COL19A1: variants seen among roughly 807,000 people sequenced by gnomAD.
The protein encoded by COL19A1 is collagen type XIX alpha 1 chain.
Under a neutral mutation model 190.2 loss-of-function variants are expected in COL19A1, and 159 were observed. The ratio of observed to expected loss-of-function variants is 0.84; its 90% CI spans 0.73 to 0.95. The LOEUF is 0.95. Among genes scored for constraint, COL19A1 ranks in the 40% least tolerant of loss-of-function variants. COL19A1 has a pLI of 0.00. For synonymous variants in COL19A1, 509 were observed against 458.9 expected, an observed-to-expected ratio of 1.11 and a Z score of -1.39; for missense variants, 1,418 against 1,431.9, an observed-to-expected ratio of 0.99 and a Z score of 0.16.
chr6:70,155,466 G>A (rs781113445), intron 31 of COL19A1, among the ~76,000 whole-genome samples: 7 of 152,116 alleles, frequency 4.6e-5, no homozygotes, highest in Non-Finnish European at 8.8e-5. Flanking sequence ...TATGAGCTCA[G>A]ACACTTGAAG....
chr6:70,072,897 G>A (rs2150154991), intron 15 of COL19A1, among the ~76,000 whole-genome samples: 1 of 152,224 alleles, frequency 6.6e-6, no homozygotes, highest in East Asian at 1.9e-4. Context: ...ATCTTATGGT[G>A]CAAGCAACTT....
chr6:70,102,633 T>G lies in COL19A1; in HGVS notation c.1278+411T>G, dbSNP rs139815598. 3.3e-5 allele frequency among the ~76,000 whole-genome samples: 5 copies of G among 152,320 alleles called. No homozygotes were observed. In the East Asian group the frequency reaches 9.6e-4, roughly 29 times the overall value. The stretch of plus-strand genomic sequence containing the variant: ...ATATCCACTTTTCTTGATATGAAAC[T>G]ATTTTGTTAGTATAATTTCATGATT... On this transcript the variant is annotated intron_variant, in intron 16 of 50. Coordinates refer to ENST00000620364, the MANE Select transcript of COL19A1 (RefSeq NM_001858.6).
chr6:70,119,428 G>A (rs945966299), intron 16 of COL19A1, among the ~76,000 whole-genome samples: 2 of 152,190 alleles, frequency 1.3e-5, no homozygotes, highest in Non-Finnish European at 2.9e-5. Context: ...GAAGTGCTAC[G>A]TAGAAGTTTT....
intron 14 of COL19A1, among the ~76,000 whole-genome samples, chr6:70,049,077 A>G (rs77407349): frequency 6.6e-6 from 1 of 151,920 alleles, no homozygotes; most frequent in Non-Finnish European, 1.5e-5. Flanking sequence ...TTAACAGGCT[A>G]TTCAATTTAA....
In COL19A1 at chr6:69,924,008, A is replaced by G. The variant is rs1224167362; in HGVS notation, c.267-3901A>G. 2.0e-5 allele frequency among the ~76,000 whole-genome samples: 3 copies of G among 152,348 alleles called. No homozygotes were observed. In the East Asian group the frequency reaches 5.8e-4, roughly 29 times the overall value. On this transcript the variant is annotated intron_variant, in intron 4 of 50. Transcript: ENST00000620364. ...ACTAAGCAAATAAAAAGCAGCAACAATAAAGACAACAGACAGCACCAACGG... is the reference window on the plus strand; with the variant it reads ...ACTAAGCAAATAAAAAGCAGCAACAGTAAAGACAACAGACAGCACCAACGG...
At chr6:69,983,830 T>G (rs1363908460) in intron 11 of COL19A1, among the ~76,000 whole-genome samples, 1 of 152,140 alleles carries the variant, frequency 6.6e-6, no homozygotes, top group East Asian at 1.9e-4. Context: ...GCATAATTTT[T>G]TCTGTGTATA....
chr6:69,962,548 T>G (rs1582538288), intron 10 of COL19A1, among the ~76,000 whole-genome samples: 1 of 152,192 alleles, frequency 6.6e-6, no homozygotes, highest in East Asian at 1.9e-4. Flanking sequence ...GAAGATAGTA[T>G]TATCATACTT....
At chr6:70,186,702 T>C (rs1262174261) in intron 46 of COL19A1, among the ~76,000 whole-genome samples, 1 of 152,078 alleles carries the variant, frequency 6.6e-6, no homozygotes, top group African/African-American at 2.4e-5. Flanking sequence ...CTGAAGCAAC[T>C]GCCATGATCT....
intron 9 of COL19A1, among the ~76,000 whole-genome samples, chr6:69,956,279 C>T (rs1774414060): frequency 6.6e-6 from 1 of 151,738 alleles, no homozygotes; most frequent in Non-Finnish European, 1.5e-5. Context: ...TCAAATTGGC[C>T]TTATCCTGAG....
intron 8 of COL19A1, among the ~76,000 whole-genome samples, chr6:69,937,234 C>A (rs1435144966): frequency 6.6e-6 from 1 of 152,146 alleles, no homozygotes; most frequent in Non-Finnish European, 1.5e-5. Context: ...TGGGAATTCA[C>A]AGTTGAAGAA....
intron 11 of COL19A1, among the ~76,000 whole-genome samples, chr6:69,970,109 G>A (rs975238626): frequency 1.3e-5 from 2 of 152,054 alleles, no homozygotes; most frequent in Non-Finnish European, 2.9e-5. Context: ...ACATTGCCTA[G>A]GGTGTAAATA....
At chr6:70,051,229 T>G (rs7747377) in intron 14 of COL19A1, among the ~76,000 whole-genome samples, 100,247 of 151,952 alleles carry the variant, frequency 0.66, 34,426 homozygotes, top group African/African-American at 0.85. Context: ...GTAAGGAATA[T>G]TTAAGTCAGA....
intron 42 of COL19A1, among the ~76,000 whole-genome samples, chr6:70,179,994 T>C (rs950682579): frequency 3.3e-5 from 5 of 152,182 alleles, no homozygotes; most frequent in African/African-American, 1.2e-4. Context: ...GTGATTCTCC[T>C]GCCTCGGGCT....
At chr6:70,146,600 T>G in intron 25 of COL19A1, 59 bp from the exon 26 acceptor site, 1 of 1,324,594 alleles carries the variant, frequency 7.5e-7, no homozygotes. Context: ...AGTTATAACT[T>G]CTAATGTGTT....
intron 9 of COL19A1, among the ~76,000 whole-genome samples, chr6:69,946,825 G>A (rs1773844971): frequency 6.6e-6 from 1 of 151,798 alleles, no homozygotes; most frequent in South Asian, 2.1e-4. Flanking sequence ...GTATCAGATA[G>A]GATAGGAAAA....
At chr6:69,884,053 G>C (rs915251261) in intron 2 of COL19A1, among the ~76,000 whole-genome samples, 8 of 152,092 alleles carry the variant, frequency 5.3e-5, no homozygotes, top group African/African-American at 1.9e-4. Flanking sequence ...TATCAGACCT[G>C]GCCGGGCTCG....
intron 14 of COL19A1, among the ~76,000 whole-genome samples, chr6:70,061,540 T>A (rs1683334539): frequency 6.6e-6 from 1 of 152,126 alleles, no homozygotes; most frequent in South Asian, 2.1e-4. Context: ...TCATAAATAT[T>A]TTTTGCGTTT....
At chr6:69,962,297 C>G (rs1774847368) in intron 10 of COL19A1, among the ~76,000 whole-genome samples, 1 of 152,156 alleles carries the variant, frequency 6.6e-6, no homozygotes, top group Non-Finnish European at 1.5e-5. Flanking sequence ...ACTGAGCCAG[C>G]ATAGTGGACA....
intron 48 of COL19A1, among the ~76,000 whole-genome samples, chr6:70,197,387 C>A (rs1767275516): frequency 6.6e-6 from 1 of 151,922 alleles, no homozygotes; most frequent in Non-Finnish European, 1.5e-5. Flanking sequence ...CACGCCACTG[C>A]ACTCCAGCCT....
Sources: allele counts gnomAD v4.1 joint callset (sites outside exome capture counted in the v4.1 genomes callset), GRCh38; gene constraint gnomAD v4.1.1; transcripts MANE v1.5; gene names NCBI Gene and HGNC (gene_info 2026-07-23, HGNC 2026-07-21).